PRDM14: variants seen among roughly 807,000 people sequenced by gnomAD.
PRDM14 encodes PR/SET domain 14, also known as PR domain zinc finger protein 14.
A neutral mutation model predicts 48.0 loss-of-function variants in PRDM14; 16 were observed. That is an observed-to-expected ratio of 0.33 (90% CI 0.23 to 0.51). The LOEUF (loss-of-function observed/expected upper bound fraction) is 0.51. Among genes scored for constraint, PRDM14 ranks in the 20% least tolerant of loss-of-function variants. PRDM14 has a pLI of 0.97. For synonymous variants in PRDM14, 264 were observed against 276.6 expected (o/e 0.95, Z 0.45); for missense variants, 566 against 719.6 (o/e 0.79, Z 2.44).
rs1397626975 is a variant in PRDM14, at chr8:70,066,345, T to C, written c.1073A>G (p.Gln358Arg). 2 of 1,614,222 alleles carry C rather than the reference T, an allele frequency of 1.2e-6. No homozygotes were observed. The highest frequency in any genetic ancestry group is 1.1e-5 in the South Asian group (1 of 91,082). ...IFYESCKEIH[Q>R]NQELLVWYGD... is the part of the protein sequence containing the mutation. ...ATACCACACAAGGAGCTCTTGGTTC[T>C]GATGGATCTCTTTGCAGCTCTCATA... is the stretch of plus-strand genomic sequence containing the variant. The change falls in exon 5 of 8, where the codon CAG (glutamine) becomes CGG (arginine). Residue 358 changes from glutamine (Q) to arginine (R), a missense_variant. Transcript: ENST00000276594.
At position 70,069,487 on chromosome 8, in the gene PRDM14, C is replaced by A. The variant is rs1805728042; in HGVS notation, c.374G>T (p.Ser125Ile). 6.3e-7 allele frequency: 1 copy of A among 1,586,444 alleles called. No homozygotes were observed. The highest frequency in any genetic ancestry group is 8.6e-7 in the Non-Finnish European group (1 of 1,165,092). Residue 125 changes from serine (S) to isoleucine (I), a missense_variant, in exon 2 of 8, where the codon AGC becomes ATC. Transcript: ENST00000276594. The stretch of plus-strand genomic sequence containing the variant: ...GATTTGGTGGCCCAGATCTTCACTG[C>A]TGGCACCCGCGTACTCGTGGCTGCT... ...LSSSHEYAGA[S>I]SEDLGHQIIG...
chr8:70,054,103 GGT>G (rs1225503153), intron 7 of PRDM14, among the ~76,000 whole-genome samples: 1 of 152,100 alleles, frequency 6.6e-6, no homozygotes, highest in East Asian at 1.9e-4. Context: ...GAGCTATTTT[GGT>G]GTAATATGTC....
chr8:70,058,937 ATTC>A, intron 5 of PRDM14, 95 bp from the exon 6 acceptor site: 1 of 1,090,148 alleles, frequency 9.2e-7, no homozygotes, highest in African/African-American at 1.6e-5. Flanking sequence ...TTAGCCAAGA[ATTC>A]TTTGGCTACT....
chr8:70,055,766 T>C (rs146573017), intron 6 of PRDM14, among the ~76,000 whole-genome samples: 2 of 152,298 alleles, frequency 1.3e-5, no homozygotes, highest in African/African-American at 4.8e-5. Flanking sequence ...CCTCCCAAAG[T>C]GCTAGGATTA....
Position 70,069,230 on chromosome 8 carries a change from G to C in PRDM14, c.631C>G (p.Pro211Ala). 1 of 1,587,364 alleles carries C rather than the reference G, an allele frequency of 6.3e-7. No homozygotes were observed. Among genetic ancestry groups the C allele is most frequent in the Non-Finnish European group, 8.6e-7 (1 of 1,166,554 alleles). The change falls in exon 2 of 8, where the codon CCC becomes GCC. Residue 211 changes from proline (P) to alanine (A), a missense_variant. Pro to Ala is a conservative substitution (Grantham distance 27). Coordinates refer to ENST00000276594, the MANE Select transcript of PRDM14 (RefSeq NM_024504.4). ...DLHFVLYGVT[P>A]SLEHPASLHH... The stretch of plus-strand genomic sequence containing the variant: ...AGGCTGGCTGGGTGCTCCAGGCTGG[G>C]AGTGACCCCGTACAGAACGAAGTGC...
intron 5 of PRDM14, among the ~76,000 whole-genome samples, chr8:70,059,818 G>T (rs916311893): frequency 5.3e-5 from 8 of 152,230 alleles, no homozygotes; most frequent in African/African-American, 1.9e-4. Flanking sequence ...TTGTGACCAG[G>T]CAAAGTGGCT....
At chr8:70,057,308 G>T (rs1295015971) in intron 6 of PRDM14, among the ~76,000 whole-genome samples, 1 of 148,030 alleles carries the variant, frequency 6.8e-6, no homozygotes, top group South Asian at 2.1e-4. Context: ...TCTGTAATTT[G>T]GTTTTTGCTT....
intron 6 of PRDM14, among the ~76,000 whole-genome samples, chr8:70,058,257 A>AGGCTCTCTCCTGTCTGGAACAGC (rs1431598895): frequency 6.6e-6 from 1 of 152,186 alleles, no homozygotes; most frequent in Non-Finnish European, 1.5e-5. Context: ...AGCACATGCC[A>AGGCTCTCTCCTGTCTGGAACAGC]GGCTCTCTCC....
intron 5 of PRDM14, among the ~76,000 whole-genome samples, chr8:70,063,832 T>G (rs959818111): frequency 2.6e-5 from 4 of 152,138 alleles, no homozygotes; most frequent in African/African-American, 7.2e-5. Flanking sequence ...CTGTTGACTT[T>G]TATTTCGAAA....
chr8:70,058,612 G>GGAAGGGAGC, intron 6 of PRDM14, 28 bp downstream of exon 6: 1 of 1,596,008 alleles, frequency 6.3e-7, no homozygotes, highest in Non-Finnish European at 8.6e-7. Context: ...GAACGTGATG[G>GGAAGGGAGC]TGGGTCATGT....
In PRDM14 at chr8:70,068,543, G is replaced by A. The variant is rs748084961; in HGVS notation, c.701-11C>T. On this transcript the variant is annotated splice_polypyrimidine_tract_variant and intron_variant, in intron 2 of 7. Coordinates refer to ENST00000276594, the MANE Select transcript of PRDM14 (RefSeq NM_024504.4). ...GAAGAGAATCAGATCCTAGCAAAAGGCAGGTTAAAACAATTTTTCATTAAA... is the reference window on the plus strand; with the variant it reads ...GAAGAGAATCAGATCCTAGCAAAAGACAGGTTAAAACAATTTTTCATTAAA... 1 of 1,613,660 alleles carries A rather than the reference G, an allele frequency of 6.2e-7. No individual in the cohort carries two copies. The highest frequency in any genetic ancestry group is 1.7e-5 in the Admixed American group (1 of 60,014).
At chr8:70,059,999 A>G (rs1425982951) in intron 5 of PRDM14, among the ~76,000 whole-genome samples, 2 of 151,432 alleles carry the variant, frequency 1.3e-5, no homozygotes, top group African/African-American at 4.9e-5. Context: ...AGGCTGAGGC[A>G]GGAGAATCAC....
At chr8:70,067,891 CTT>C (rs1377504492) in intron 4 of PRDM14, among the ~76,000 whole-genome samples, 1 of 151,998 alleles carries the variant, frequency 6.6e-6, no homozygotes, top group Non-Finnish European at 1.5e-5. Flanking sequence ...TTTTTATTCT[CTT>C]TAGCATAGTT....
chr8:70,055,923 A>T (rs979888045), intron 6 of PRDM14, among the ~76,000 whole-genome samples: 2 of 152,206 alleles, frequency 1.3e-5, no homozygotes, highest in African/African-American at 4.8e-5. Context: ...ACATTGGTTA[A>T]ATCTGGAATC....
rs1805726894 is a variant in PRDM14 at position 70,069,432 on chromosome 8, A to T, written c.429T>A (p.Cys143Ter). ...IIGGDNESGP[C>*]CGPDTLIPPP... ...GTGGAATTAAAGTGTCAGGTCCACA[A>T]CACGGGCCACTCTCGTTGTCGCCAC... Residue 143 changes from cysteine (C) to a stop codon, truncating the protein, a stop_gained, in exon 2 of 8, where the codon TGT becomes TGA. Coordinates refer to ENST00000276594, the MANE Select transcript of PRDM14 (RefSeq NM_024504.4). LOFTEE classifies it high-confidence loss of function. 1 of 1,592,276 alleles carries T rather than the reference A, an allele frequency of 6.3e-7. No homozygotes were observed. Among genetic ancestry groups the T allele is most frequent in the Non-Finnish European group, 8.6e-7 (1 of 1,168,298 alleles).
Position 70,069,442 on chromosome 8 carries a change from C to G in PRDM14, c.419G>C (p.Ser140Thr), listed in dbSNP as rs1441357432. The G allele has an allele frequency of 1.9e-6, 3 of 1,583,936 alleles. No homozygotes were observed. The highest frequency in any genetic ancestry group is 1.8e-5 in the Admixed American group (1 of 56,992). The change falls in exon 2 of 8, where the codon AGT (serine) becomes ACT (threonine). Residue 140 changes from serine to threonine, a missense_variant. Ser to Thr is a moderately conservative substitution (Grantham distance 58). Around this residue, in one of 3 missense-constraint regions of PRDM14, gnomAD observed 410 missense variants for 424.6 expected, o/e 0.97. Coordinates refer to ENST00000276594, the MANE Select transcript of PRDM14 (RefSeq NM_024504.4). ...AGTGTCAGGTCCACAACACGGGCCA[C>G]TCTCGTTGTCGCCACCAATGATTTG... is the stretch of plus-strand genomic sequence containing the variant. ...GHQIIGGDNE[S>T]GPCCGPDTLI... is the part of the protein sequence containing the mutation.
chr8:70,064,453 G>T (rs561164718), intron 5 of PRDM14, among the ~76,000 whole-genome samples: 2 of 151,688 alleles, frequency 1.3e-5, no homozygotes, highest in African/African-American at 4.8e-5. Flanking sequence ...AGATACTAAA[G>T]TGTTTAGGGT....
At chr8:70,055,054 A>G (rs1212527256) in intron 7 of PRDM14, among the ~76,000 whole-genome samples, 5 of 152,238 alleles carry the variant, frequency 3.3e-5, no homozygotes, top group Admixed American at 3.3e-4. Flanking sequence ...ATAGGTCATC[A>G]GGTCCCCATA....
chr8:70,054,546 G>A (rs1006236879), intron 7 of PRDM14, among the ~76,000 whole-genome samples: 4 of 131,922 alleles, frequency 3.0e-5, no homozygotes, highest in African/African-American at 8.8e-5. Flanking sequence ...TGGAGACGGA[G>A]TTTCACTTTG....
Sources: gnomAD v4.1 joint callset for allele counts (sites outside exome capture counted in the v4.1 genomes callset) on GRCh38, gnomAD v4.1.1 for gene constraint, gnomAD v4.1.1 regional missense constraint, MANE v1.5 for transcripts, NCBI Gene and HGNC (gene_info 2026-07-23, HGNC 2026-07-21) for gene names.